EML2: variants seen among roughly 807,000 people sequenced by gnomAD.
EML2 encodes the protein echinoderm microtubule-associated protein-like 2.
A neutral mutation model predicts 84.7 loss-of-function variants in EML2; 59 were observed. That is an observed-to-expected ratio of 0.70 (90% CI 0.56 to 0.86). The LOEUF is 0.86. Among genes scored for constraint, EML2 ranks in the 40% least tolerant of loss-of-function variants. The pLI, the probability that EML2 is intolerant of heterozygous loss-of-function variation, is 0.00. For missense variants in EML2, 818 were observed against 855.6 expected (o/e 0.96, Z 0.55); for synonymous variants, 352 against 348.9 (o/e 1.01, Z -0.10).
At chr19:45,637,098 G>A (rs1973814355) in intron 3 of EML2, among the ~76,000 whole-genome samples, 1 of 152,330 alleles carries the variant, frequency 6.6e-6, no homozygotes, top group Non-Finnish European at 1.5e-5. Context: ...GGACATTTGG[G>A]ACAGATTCCA....
chr19:45,622,515 CT>C (rs1240487380), intron 9 of EML2, among the ~76,000 whole-genome samples: 4 of 152,190 alleles, frequency 2.6e-5, no homozygotes, highest in Non-Finnish European at 5.9e-5. Flanking sequence ...ACTGCAACCT[CT>C]GCCTCCTGGG....
chr19:45,629,072 T>C (rs745768973), intron 7 of EML2, among the ~76,000 whole-genome samples: 11 of 151,962 alleles, frequency 7.2e-5, no homozygotes, highest in African/African-American at 1.7e-4. Context: ...GTACCCCATA[T>C]CTCCATATCC....
At position 45,621,595 on chromosome 19, in the gene EML2, C is replaced by CCGT. The variant is rs752343773; in HGVS notation, c.881_883dup (p.Asp294dup). ...CAGGGCGCAGAGCCCAAACACGCCG[C>CCGT]CGTCGTGGGCGCCCAGCACCGCCTG... On this transcript the variant is annotated inframe_insertion, in exon 10 of 19. Transcript: ENST00000245925. 1 of 1,610,870 alleles carries CCGT rather than the reference C, an allele frequency of 6.2e-7. No individual in the cohort carries two copies. Among genetic ancestry groups the CCGT allele is most frequent in the Admixed American group, 1.7e-5 (1 of 59,994 alleles).
At chr19:45,637,996 A>T (rs1411227633) in intron 3 of EML2, among the ~76,000 whole-genome samples, 1 of 151,384 alleles carries the variant, frequency 6.6e-6, no homozygotes, top group African/African-American at 2.4e-5. Flanking sequence ...ATTTCCTGTA[A>T]AGACGAGGTC....
At chr19:45,623,540 C>A (rs1971969700) in intron 9 of EML2, 1 of 150,954 alleles carries the variant, frequency 6.6e-6, no homozygotes. Flanking sequence ...AAAAAAAATT[C>A]TTTATTAAAA....
rs779532917 is a variant in EML2 at position 45,618,901 on chromosome 19, C to T, written c.1254+159G>A. 1.2e-4 allele frequency: 86 copies of T among 731,328 alleles called. 1 individual carries two copies. In the South Asian group the frequency reaches 1.9e-3, roughly 16 times the overall value. The allele number at this position is 731,328 out of a possible 1,614,324, so 45.3% of individuals were successfully genotyped here. On this transcript the variant is annotated intron_variant, in intron 12 of 18. Coordinates refer to ENST00000245925, the MANE Select transcript of EML2 (RefSeq NM_012155.4). ...GGCGGAGGTTGCAGTGAGCCGAGATCGTGCCATTGCCCTCCAGCCTGGGTG... is the reference window on the plus strand; with the variant it reads ...GGCGGAGGTTGCAGTGAGCCGAGATTGTGCCATTGCCCTCCAGCCTGGGTG...
At chr19:45,623,946 A>G (rs1972012695) in intron 9 of EML2, among the ~76,000 whole-genome samples, 1 of 152,204 alleles carries the variant, frequency 6.6e-6, no homozygotes, top group African/African-American at 2.4e-5. Flanking sequence ...CAGCCCCTCA[A>G]AGTGCTAGGA....
At chr19:45,639,041 C>A in intron 1 of EML2, 168 bp from the exon 2 acceptor site, 1 of 867,576 alleles carries the variant, frequency 1.2e-6, no homozygotes, top group East Asian at 2.4e-5. Context: ...CTCGGTTGAT[C>A]TTGCAGAGCC....
chr19:45,636,652 A>C (rs1973759587), intron 3 of EML2, among the ~76,000 whole-genome samples: 1 of 152,172 alleles, frequency 6.6e-6, no homozygotes, highest in African/African-American at 2.4e-5. Flanking sequence ...ATGTTCAGAA[A>C]ATATCTTGAA....
chr19:45,629,449 C>T (rs773839881), intron 7 of EML2, among the ~76,000 whole-genome samples: 1 of 152,032 alleles, frequency 6.6e-6, no homozygotes, highest in Non-Finnish European at 1.5e-5. Context: ...CTCAGCCTCC[C>T]GAGTAGCTGG....
chr19:45,610,216 T>A (rs755800544), intron 18 of EML2, among the ~76,000 whole-genome samples: 56 of 149,438 alleles, frequency 3.7e-4, no homozygotes, highest in Admixed American at 6.0e-4. Flanking sequence ...GCCAATATGG[T>A]GAAACCCCGT....
At chr19:45,613,470 A>G in intron 18 of EML2, 71 bp downstream of exon 18, 1 of 1,570,556 alleles carries the variant, frequency 6.4e-7, no homozygotes, top group Non-Finnish European at 8.7e-7. Flanking sequence ...GGGTTGGACC[A>G]GAGCTGCCTG....
intron 11 of EML2, among the ~76,000 whole-genome samples, chr19:45,620,096 T>C (rs976036674): frequency 5.9e-5 from 9 of 152,084 alleles, no homozygotes. Flanking sequence ...AAAATGGAAA[T>C]GTCTAACTAT....
intron 3 of EML2, among the ~76,000 whole-genome samples, chr19:45,636,111 C>G (rs564648225): frequency 6.6e-6 from 1 of 151,364 alleles, no homozygotes; most frequent in Non-Finnish European, 1.5e-5. Context: ...GCTGAGACTA[C>G]AGGCATGCAC....
intron 15 of EML2, 174 bp from the exon 16 acceptor site, chr19:45,616,063 G>A (rs1971020487): frequency 1.6e-6 from 1 of 620,870 alleles, no homozygotes; most frequent in South Asian, 1.8e-5. Flanking sequence ...AGAATACTGT[G>A]GGCGGGGCCA....
chr19:45,613,254 T>C (rs925701251), intron 18 of EML2, among the ~76,000 whole-genome samples: 1 of 152,128 alleles, frequency 6.6e-6, no homozygotes, highest in Admixed American at 6.6e-5. Context: ...CCTAGGTACA[T>C]AGTAGGTGCT....
At chr19:45,636,701 C>T (rs1010357593) in intron 3 of EML2, among the ~76,000 whole-genome samples, 1 of 152,242 alleles carries the variant, frequency 6.6e-6, no homozygotes, top group Admixed American at 6.5e-5. Flanking sequence ...AATCTCAGCA[C>T]TTTGGGAGGC....
chr19:45,621,740 A>G, intron 9 of EML2, 103 bp from the exon 10 acceptor site: 2 of 1,227,664 alleles, frequency 1.6e-6, no homozygotes, highest in Non-Finnish European at 2.2e-6. Context: ...ATTCTCACCC[A>G]CTTTTCCACC....
At chr19:45,627,234 G>T (rs1030959248) in intron 7 of EML2, among the ~76,000 whole-genome samples, 13 of 151,386 alleles carry the variant, frequency 8.6e-5, no homozygotes, top group African/African-American at 3.2e-4. Context: ...TGGGATTACA[G>T]GCGTGAGCCA....
Sources: gnomAD v4.1 joint callset for allele counts (sites outside exome capture counted in the v4.1 genomes callset) on GRCh38, gnomAD v4.1.1 for gene constraint, MANE v1.5 for transcripts, NCBI Gene and HGNC (gene_info 2026-07-23, HGNC 2026-07-21) for gene names.